Variants in CGNL1 observed in about 807,000 individuals in gnomAD.
The protein encoded by CGNL1 is cingulin-like protein 1.
CGNL1 carries 132 observed loss-of-function variants against 141.2 expected under a neutral mutation model. That is an observed-to-expected ratio of 0.93 (90% CI 0.81 to 1.08). The LOEUF (loss-of-function observed/expected upper bound fraction) is 1.08, where lower values mean the gene tolerates loss of function less well. Ranked by LOEUF, CGNL1 falls within the 50% of genes least tolerant of loss-of-function variation. CGNL1 has a pLI of 0.00. For missense variants in CGNL1, 1,870 were observed against 1,588.6 expected, an observed-to-expected ratio of 1.18 and a Z score of -3.01; for synonymous variants, 690 against 622.1, an observed-to-expected ratio of 1.11 and a Z score of -1.63.
At chr15:57,471,637 G>A (rs1260901420) in intron 8 of CGNL1, among the ~76,000 whole-genome samples, 2 of 152,186 alleles carry the variant, frequency 1.3e-5, no homozygotes, top group African/African-American at 4.8e-5. Flanking sequence ...GCCTTCTGGG[G>A]GGGCCTCCTG....
intron 18 of CGNL1, among the ~76,000 whole-genome samples, chr15:57,546,779 T>C (rs1233602497): frequency 1.3e-5 from 2 of 152,052 alleles, no homozygotes; most frequent in Non-Finnish European, 2.9e-5. Context: ...TGAGGTAAGG[T>C]TCATGAGATT....
chr15:57,438,133 G>C lies in CGNL1; in HGVS notation c.134G>C (p.Arg45Pro), dbSNP rs1421034702. 6.2e-7 allele frequency: 1 copy of C among 1,614,118 alleles called. No individual in the cohort carries two copies. The highest frequency in any genetic ancestry group is 8.5e-7 in the Non-Finnish European group (1 of 1,180,028). Residue 45 changes from arginine to proline, a missense_variant, in exon 2 of 19, where the codon CGG becomes CCG. Coordinates refer to ENST00000281282, the MANE Select transcript of CGNL1 (RefSeq NM_032866.5). ...GCAGGCTCCTACGGTGTCAGTATTC[G>C]GGTCCAGGGAATTGATGGTCACCCC... ...SKAGSYGVSI[R>P]VQGIDGHPYI...
intron 1 of CGNL1, among the ~76,000 whole-genome samples, chr15:57,412,597 G>A (rs74019107): frequency 2.6e-4 from 40 of 152,290 alleles, no homozygotes; most frequent in African/African-American, 8.9e-4. Flanking sequence ...ACCTCATGGG[G>A]AACTCATTGT....
At chr15:57,507,221 A>G (rs895223664) in intron 8 of CGNL1, among the ~76,000 whole-genome samples, 3 of 152,224 alleles carry the variant, frequency 2.0e-5, no homozygotes, top group Non-Finnish European at 4.4e-5. Flanking sequence ...GGAAAAATCA[A>G]ATCACTTAAC....
At chr15:57,523,291 A>C (rs796707479) in intron 10 of CGNL1, among the ~76,000 whole-genome samples, 198 bp from the exon 11 acceptor site, 1 of 152,124 alleles carries the variant, frequency 6.6e-6, no homozygotes, top group Admixed American at 6.5e-5. Flanking sequence ...GGGTAAGTCA[A>C]CTTTCCTATT....
chr15:57,435,407 G>GGTTTTTTTTT (rs1291475942), intron 1 of CGNL1, among the ~76,000 whole-genome samples: 1 of 96,864 alleles, frequency 1.0e-5, no homozygotes, highest in African/African-American at 3.7e-5. Context: ...AAATTTGCAG[G>GGTTTTTTTTT]TTTTTTTGTT....
chr15:57,505,489 A>C (rs1334042807), intron 8 of CGNL1, among the ~76,000 whole-genome samples: 1 of 152,152 alleles, frequency 6.6e-6, no homozygotes, highest in Non-Finnish European at 1.5e-5. Flanking sequence ...CTGGCCTTGC[A>C]AGGAGGAACC....
chr15:57,452,081 T>C, intron 5 of CGNL1, 60 bp from the exon 6 acceptor site: 1 of 1,467,544 alleles, frequency 6.8e-7, no homozygotes, highest in South Asian at 1.4e-5. Flanking sequence ...GAAGTAGGCT[T>C]CTGTGGGGTT....
intron 1 of CGNL1, among the ~76,000 whole-genome samples, chr15:57,413,628 T>C (rs144887744): frequency 6.6e-6 from 1 of 152,236 alleles, no homozygotes; most frequent in South Asian, 2.1e-4. Context: ...CCGCTCTTTT[T>C]TCTCTTTTCT....
intron 13 of CGNL1, among the ~76,000 whole-genome samples, chr15:57,531,406 A>T (rs187618453): frequency 4.4e-4 from 67 of 152,330 alleles, no homozygotes; most frequent in Non-Finnish European, 4.3e-4. Flanking sequence ...ACATGCTCAA[A>T]TATCCTTAGT....
At chr15:57,469,312 G>A (rs1267893020) in intron 8 of CGNL1, among the ~76,000 whole-genome samples, 1 of 151,600 alleles carries the variant, frequency 6.6e-6, no homozygotes, top group Non-Finnish European at 1.5e-5. Context: ...TTCATCTTGA[G>A]GTCCTGGGAG....
chr15:57,432,333 C>T (rs1369203221), intron 1 of CGNL1, among the ~76,000 whole-genome samples: 2 of 152,158 alleles, frequency 1.3e-5, no homozygotes, highest in African/African-American at 4.8e-5. Flanking sequence ...CATTACGTGA[C>T]TAATCTCCAT....
rs1054968759 is a variant in CGNL1, at chr15:57,451,548, A to G, written c.1852A>G (p.Lys618Glu). 6.2e-7 allele frequency: 1 copy of G among 1,613,640 alleles called. No homozygotes were observed. The highest frequency in any genetic ancestry group is 8.5e-7 in the Non-Finnish European group (1 of 1,179,744). The part of the protein sequence containing the change: ...EVKDLLEQKS[K>E]LTIEVAELQR... ...CAAAGATCTATTGGAACAGAAAAGC[A>G]AGTTGACCATAGAAGTGGCTGAACT... Residue 618 changes from lysine to glutamate, a missense_variant, in exon 5 of 19, where the codon AAG (lysine) becomes GAG (glutamate). Transcript: ENST00000281282.
At position 57,547,593 on chromosome 15, in the gene CGNL1, C is replaced by G. The variant is rs1319458918; in HGVS notation, c.*103C>G. The G allele has an allele frequency of 7.5e-7, 1 of 1,330,920 alleles. No homozygotes were observed. Among genetic ancestry groups the G allele is most frequent in the Non-Finnish European group, 1.0e-6 (1 of 960,950 alleles). 82.4% of individuals were successfully genotyped at this position (1,330,920 alleles called of 1,614,324 possible). A position where few individuals can be genotyped will look rare whatever the true frequency, so the allele number is the denominator to read the frequency against. On this transcript the variant is annotated 3_prime_UTR_variant, in exon 19 of 19. Coordinates refer to ENST00000281282, the MANE Select transcript of CGNL1 (RefSeq NM_032866.5). ...GCATCTGTCTGCCACTGAGACCAAT[C>G]ACAGCCTCTTTGCACAGCATGCCAG...
chr15:57,531,611 G>A, intron 13 of CGNL1, 79 bp from the exon 14 acceptor site: 3 of 895,352 alleles, frequency 3.4e-6, no homozygotes, highest in South Asian at 2.7e-5. Context: ...CCTTAGGATT[G>A]TTTCTCTGTG....
chr15:57,390,659 A>G (rs1267436899), intron 1 of CGNL1, among the ~76,000 whole-genome samples: 2 of 151,982 alleles, frequency 1.3e-5, no homozygotes, highest in Non-Finnish European at 2.9e-5. Flanking sequence ...CTGGGTGAAA[A>G]ATCATATGCA....
At chr15:57,532,966 C>T (rs1368074052) in intron 14 of CGNL1, among the ~76,000 whole-genome samples, 1 of 152,228 alleles carries the variant, frequency 6.6e-6, no homozygotes. Flanking sequence ...TTCACATGGA[C>T]TTCCCTTTCC....
chr15:57,480,037 G>A (rs1241933289), intron 8 of CGNL1, among the ~76,000 whole-genome samples: 1 of 152,320 alleles, frequency 6.6e-6, no homozygotes, highest in African/African-American at 2.4e-5. Context: ...ATCCCAAAGA[G>A]CTGTGGCAGC....
Position 57,524,763 on chromosome 15 carries a change from C to T in CGNL1, c.3039+12C>T. On this transcript the variant is annotated intron_variant, in intron 12 of 18. Transcript: ENST00000281282. ...AAATGCAGGATGAGGTAATGCCTGGCCAGATAAGTTCTTCCTTTATCCCTT... is the reference window on the plus strand; with the variant it reads ...AAATGCAGGATGAGGTAATGCCTGGTCAGATAAGTTCTTCCTTTATCCCTT... The T allele has an allele frequency of 6.2e-7, 1 of 1,612,714 alleles. No individual in the cohort carries two copies. Among genetic ancestry groups the T allele is most frequent in the Non-Finnish European group, 8.5e-7 (1 of 1,179,204 alleles).
Sources: gnomAD v4.1 joint callset for allele counts (sites outside exome capture counted in the v4.1 genomes callset) on GRCh38, gnomAD v4.1.1 for gene constraint, MANE v1.5 for transcripts, NCBI Gene and HGNC (gene_info 2026-07-23, HGNC 2026-07-21) for gene names.